JPH2: variants seen among roughly 807,000 people sequenced by gnomAD.
JPH2 encodes the protein junctophilin-2.
JPH2 carries 38 observed loss-of-function variants against 55.9 expected under a neutral mutation model. The observed-to-expected ratio is 0.68, with a 90% confidence interval of 0.52 to 0.89. JPH2 has a LOEUF of 0.89. Among genes scored for constraint, JPH2 ranks in the 40% least tolerant of loss-of-function variants. The probability of loss-of-function intolerance (pLI) is 0.00; values close to 1 mark genes in which losing one functional copy is unlikely to be tolerated. For synonymous variants in JPH2, 480 were observed against 472.4 expected (o/e 1.02, Z -0.21); for missense variants, 964 against 1,037.6 (o/e 0.93, Z 0.97).
In JPH2 at chr20:44,111,174, T is replaced by G. The variant is rs1484740572; in HGVS notation, c.*2344A>C. Among the ~76,000 whole-genome samples the G allele has an allele frequency of 6.6e-6, 1 of 152,192 alleles. No individual in the cohort carries two copies. Among genetic ancestry groups the G allele is most frequent in the Non-Finnish European group, 1.5e-5 (1 of 68,032 alleles). On this transcript the variant is annotated 3_prime_UTR_variant, in exon 6 of 6. Coordinates refer to ENST00000372980, the MANE Select transcript of JPH2 (RefSeq NM_020433.5). Reference sequence around the variant, plus strand: ...GATTGAGATATTCTGACTAAACAACTGGTATCTGAATCACCTCCATCCCTT... The same window carrying G: ...GATTGAGATATTCTGACTAAACAACGGGTATCTGAATCACCTCCATCCCTT...
intron 1 of JPH2, among the ~76,000 whole-genome samples, chr20:44,162,750 AT>A (rs2072620009): frequency 3.5e-5 from 1 of 28,200 alleles, no homozygotes; most frequent in Admixed American, 3.3e-4. Context: ...ACTTCCATAT[AT>A]ATATATATAT....
Position 44,110,779 on chromosome 20 carries a change from T to C in JPH2, c.*2739A>G, listed in dbSNP as rs1000124880. 6.6e-6 allele frequency among the ~76,000 whole-genome samples: 1 copy of C among 152,130 alleles called. No homozygotes were observed. Among genetic ancestry groups the C allele is most frequent in the African/African-American group, 2.4e-5 (1 of 41,436 alleles). ...ATCTATCTCATTTGAGCCTCACAACTGCATTGCCTATGAGGAAGACCATGG... is the reference window on the plus strand; with the variant it reads ...ATCTATCTCATTTGAGCCTCACAACCGCATTGCCTATGAGGAAGACCATGG... On this transcript the variant is annotated 3_prime_UTR_variant, in exon 6 of 6. Transcript: ENST00000372980.
At chr20:44,175,875 G>A (rs1164055794) in intron 1 of JPH2, among the ~76,000 whole-genome samples, 4 of 152,208 alleles carry the variant, frequency 2.6e-5, no homozygotes, top group African/African-American at 7.2e-5. Context: ...AGGTCAAGGG[G>A]AGAGGGTCTA....
At chr20:44,180,189 G>A (rs2072768125) in intron 1 of JPH2, among the ~76,000 whole-genome samples, 2 of 152,202 alleles carry the variant, frequency 1.3e-5, no homozygotes, top group Non-Finnish European at 2.9e-5. Context: ...TTGTACCCCA[G>A]CCTGGGTGAC....
intron 2 of JPH2, among the ~76,000 whole-genome samples, chr20:44,146,038 T>C (rs2072491916): frequency 6.7e-6 from 1 of 148,632 alleles, no homozygotes; most frequent in Non-Finnish European, 1.5e-5. Context: ...CATTGTTCTT[T>C]TTTTTTTTTT....
chr20:44,134,692 T>TATATATAAATAAATAAATATTTATTATAA (rs2072388097), intron 2 of JPH2, among the ~76,000 whole-genome samples: 1 of 33,760 alleles, frequency 3.0e-5, no homozygotes, highest in African/African-American at 1.3e-4. Context: ...ATATTATAAA[T>TATATATAAATAAATAAATATTTATTATAA]ATATATACAT....
rs1431457052 is a variant in JPH2 at position 44,134,101 on chromosome 20, T to TA, written c.1170-15479_1170-15478insT. ...TATATTTATTATAAATATATATTTA[T>TA]TATAAATATATAAATAAATATTTAT... On this transcript the variant is annotated intron_variant, in intron 2 of 5. Transcript: ENST00000372980. Among the ~76,000 whole-genome samples, 6 of 27,960 alleles carry TA rather than the reference T, an allele frequency of 2.1e-4. 2 individuals carry two copies. The highest frequency in any genetic ancestry group is 2.8e-4 in the Non-Finnish European group (5 of 17,644). 18.3% of individuals were successfully genotyped at this position (27,960 alleles called of 152,430 possible).
chr20:44,135,612 G>A (rs574419160), intron 2 of JPH2, among the ~76,000 whole-genome samples: 37 of 152,282 alleles, frequency 2.4e-4, no homozygotes, highest in African/African-American at 7.2e-4. Flanking sequence ...CAGAAGCTTC[G>A]CTGCTGCGTG....
intron 2 of JPH2, among the ~76,000 whole-genome samples, chr20:44,138,737 TA>T: frequency 6.6e-6 from 1 of 152,182 alleles, no homozygotes; most frequent in Non-Finnish European, 1.5e-5. Context: ...TGCTTCACTG[TA>T]TTCTTTTTCT....
rs569772471 is a variant in JPH2 at position 44,159,563 on chromosome 20, A to G, written c.1169+55T>C. The G allele has an allele frequency of 7.6e-5, 117 of 1,543,216 alleles. 1 individual carries two copies. In the South Asian group the frequency reaches 1.3e-3, roughly 17 times the overall value. ...AGGGCCTCCTAGGTTGCCCTGCCCC[A>G]GGACCCCCTTCTCCGAGGGGAGGCG... On this transcript the variant is annotated intron_variant, in intron 2 of 5. Coordinates refer to ENST00000372980, the MANE Select transcript of JPH2 (RefSeq NM_020433.5). This position sits in a 1 kb window ranked among gnomAD's most constrained non-coding sequence, Gnocchi z 5.7.
At chr20:44,140,464 C>T (rs908780217) in intron 2 of JPH2, among the ~76,000 whole-genome samples, 39 of 152,304 alleles carry the variant, frequency 2.6e-4, no homozygotes, top group Admixed American at 5.9e-4. Context: ...GGTTTTGGCA[C>T]CAGGCTGCCA....
chr20:44,186,769 C>T lies in JPH2; in HGVS notation c.-64G>A, dbSNP rs1227167477. The T allele has an allele frequency of 6.7e-7, 1 of 1,499,670 alleles. No homozygotes were observed. The highest frequency in any genetic ancestry group is 9.2e-7 in the Non-Finnish European group (1 of 1,090,802). The allele number at this position is 1,499,670 out of a possible 1,614,324, so 92.9% of individuals were successfully genotyped here. On this transcript the variant is annotated 5_prime_UTR_variant, in exon 1 of 6. Transcript: ENST00000372980. Reference sequence around the variant, plus strand: ...TGGGTGCAGAGGGCGTGGGTGATGCCTGCAACACTCCTCCAGTGCCCTCGG... The same window carrying T: ...TGGGTGCAGAGGGCGTGGGTGATGCTTGCAACACTCCTCCAGTGCCCTCGG...
At chr20:44,133,641 T>A (rs1404757709) in intron 2 of JPH2, among the ~76,000 whole-genome samples, 36 of 151,586 alleles carry the variant, frequency 2.4e-4, no homozygotes, top group Non-Finnish European at 2.9e-5. Context: ...TCCCCTTCTA[T>A]GTCAGGGCAG....
In JPH2 at chr20:44,134,812, TATAA is replaced by T. The variant is rs1368355485; in HGVS notation, c.1170-16193_1170-16190del. Among the ~76,000 whole-genome samples, 31 of 115,704 alleles carry T rather than the reference TATAA, an allele frequency of 2.7e-4. 1 individual carries two copies. Among genetic ancestry groups the T allele is most frequent in the East Asian group, 9.1e-4 (4 of 4,404 alleles). The allele number at this position is 115,704 out of a possible 152,430, so 75.9% of individuals were successfully genotyped here. On this transcript the variant is annotated intron_variant, in intron 2 of 5. Transcript: ENST00000372980. ...TAAATATACATTTATTATAAATATA[TATAA>T]ATATTTATAAATATACATAAATATA...
rs1346779483 is a variant in JPH2 at position 44,106,760 on chromosome 20, T to A, written c.*6758A>T. 6.6e-6 allele frequency among the ~76,000 whole-genome samples: 1 copy of A among 152,068 alleles called. No individual in the cohort carries two copies. The highest frequency in any genetic ancestry group is 1.5e-5 in the Non-Finnish European group (1 of 68,024). The stretch of plus-strand genomic sequence containing the variant: ...TTTAAAATCATCGATCTCATGAGAC[T>A]TATTCACTACCACGAGAACGGCACG... On this transcript the variant is annotated 3_prime_UTR_variant, in exon 6 of 6. Transcript: ENST00000372980.
chr20:44,149,765 G>T (rs1402212480), intron 2 of JPH2, among the ~76,000 whole-genome samples: 45 of 152,294 alleles, frequency 3.0e-4, no homozygotes, highest in Non-Finnish European at 1.3e-4. Flanking sequence ...GTCACTCGAG[G>T]TCAGGAGTTT....
intron 2 of JPH2, among the ~76,000 whole-genome samples, chr20:44,154,145 T>A (rs1445757777): frequency 1.3e-5 from 2 of 152,168 alleles, no homozygotes; most frequent in Admixed American, 1.3e-4. Context: ...AGTGACAGGG[T>A]TGGGACTACT....
chr20:44,108,208 C>G lies in JPH2; in HGVS notation c.*5310G>C, dbSNP rs1461734658. Among the ~76,000 whole-genome samples the G allele has an allele frequency of 2.0e-5, 3 of 152,212 alleles. No homozygotes were observed. Among genetic ancestry groups the G allele is most frequent in the African/African-American group, 7.2e-5 (3 of 41,450 alleles). On this transcript the variant is annotated 3_prime_UTR_variant, in exon 6 of 6. Transcript: ENST00000372980. ...TCATACTGTTACTTATCAATGCTGG[C>G]AAGGTAACAGATACCGAGGACACGG... is the stretch of plus-strand genomic sequence containing the variant.
At chr20:44,138,481 C>T (rs2145861420) in intron 2 of JPH2, among the ~76,000 whole-genome samples, 1 of 152,236 alleles carries the variant, frequency 6.6e-6, no homozygotes, top group East Asian at 1.9e-4. Context: ...TGGGCTCAAG[C>T]TATCTTCCTG....
Sources: gnomAD v4.1 joint callset for allele counts (sites outside exome capture counted in the v4.1 genomes callset) on GRCh38, gnomAD v4.1.1 for gene constraint, Gnocchi (gnomAD v3.1) non-coding constraint, MANE v1.5 for transcripts, NCBI Gene and HGNC (gene_info 2026-07-23, HGNC 2026-07-21) for gene names.